The following PLEKHG6 variants were observed in gnomAD, a reference collection of about 807,000 sequenced individuals.
PLEKHG6 encodes the protein pleckstrin homology and RhoGEF domain containing G6, also known as pleckstrin homology domain-containing family G member 6.
A neutral mutation model predicts 97.5 loss-of-function variants in PLEKHG6; 91 were observed. That is an observed-to-expected ratio of 0.93 (90% CI 0.79 to 1.11). The LOEUF (loss-of-function observed/expected upper bound fraction) is 1.11, where lower values mean the gene tolerates loss of function less well. Ranked by LOEUF, PLEKHG6 falls within the 50% of genes most tolerant of loss-of-function variation. The pLI, the probability that PLEKHG6 is intolerant of heterozygous loss-of-function variation, is 0.00. For synonymous variants in PLEKHG6, 466 were observed against 425.5 expected, an observed-to-expected ratio of 1.10 and a Z score of -1.17; for missense variants, 1,044 against 1,031.0, an observed-to-expected ratio of 1.01 and a Z score of -0.17.
At chr12:6,322,304 G>A (rs1947729971) in intron 13 of PLEKHG6, among the ~76,000 whole-genome samples, 1 of 152,194 alleles carries the variant, frequency 6.6e-6, no homozygotes, top group Non-Finnish European at 1.5e-5. Flanking sequence ...AGGCAGCCAA[G>A]ATATAACCTA....
chr12:6,312,203 T>C lies in PLEKHG6; in HGVS notation c.-24T>C, dbSNP rs1339566348. The C allele has an allele frequency of 3.4e-6, 5 of 1,465,238 alleles. No individual in the cohort carries two copies. The African/African-American group carries it at 4.4e-5, about 13-fold the overall frequency. The allele number at this position is 1,465,238 out of a possible 1,614,324, so 90.8% of individuals were successfully genotyped here. On this transcript the variant is annotated 5_prime_UTR_variant, in exon 2 of 16. Coordinates refer to ENST00000684764, the MANE Select transcript of PLEKHG6 (RefSeq NM_001384598.1). ...CCTGGACATTGAAGATATGGCCCTT[T>C]GGAGGTGACCCAGGAGAGAAGGGAT...
chr12:6,312,867 A>G, intron 2 of PLEKHG6: 1 of 1,326,648 alleles, frequency 7.5e-7, no homozygotes, highest in Non-Finnish European at 9.7e-7. Flanking sequence ...AACCAAGCAG[A>G]GGGGTGTGGA....
chr12:6,327,942 G>A lies in PLEKHG6; in HGVS notation c.2359G>A (p.Ala787Thr), dbSNP rs199606341. 2.5e-5 allele frequency: 38 copies of A among 1,490,714 alleles called. No homozygotes were observed. The highest frequency in any genetic ancestry group is 1.9e-4 in the Admixed American group (8 of 41,362). 92.3% of individuals were successfully genotyped at this position (1,490,714 alleles called of 1,614,324 possible). The change falls in exon 15 of 16, where the codon GCA (alanine) becomes ACA (threonine). Residue 787 changes from alanine (A) to threonine (T), a missense_variant. By Grantham distance (58) the Ala-to-Thr change is moderately conservative (BLOSUM62 0). Coordinates refer to ENST00000684764, the MANE Select transcript of PLEKHG6 (RefSeq NM_001384598.1). ...HIIQLDTPLS[A>T]SEV Reference sequence around the variant, plus strand: ...CATTCAGCTGGACACCCCTCTGTCCGCATCGTAAGTGCTGGAGGGAAGCTG... The same window carrying A: ...CATTCAGCTGGACACCCCTCTGTCCACATCGTAAGTGCTGGAGGGAAGCTG...
intron 10 of PLEKHG6, 149 bp downstream of exon 10, chr12:6,318,143 G>C (rs1032031216): frequency 1.4e-6 from 2 of 1,386,608 alleles, no homozygotes; most frequent in African/African-American, 1.4e-5. Context: ...AGGGGTACAG[G>C]TCAGAAGAGC....
At chr12:6,310,893 G>T in intron 1 of PLEKHG6, 45 bp downstream of exon 1, 1 of 152,972 alleles carries the variant, frequency 6.5e-6, no homozygotes, top group South Asian at 2.0e-4. Flanking sequence ...GGGCGGCCGG[G>T]ACCCGGGGCC....
intron 13 of PLEKHG6, among the ~76,000 whole-genome samples, chr12:6,320,361 C>T (rs1463163994): frequency 6.6e-6 from 1 of 152,184 alleles, no homozygotes; most frequent in Admixed American, 6.5e-5. Flanking sequence ...GAAGCTTACT[C>T]TCTCACAGTT....
At position 6,316,414 on chromosome 12, in the gene PLEKHG6, G is replaced by A. The variant is rs770268287; in HGVS notation, c.756+10G>A. The A allele has an allele frequency of 1.3e-6, 2 of 1,563,562 alleles. No homozygotes were observed. The highest frequency in any genetic ancestry group is 2.4e-5 in the South Asian group (2 of 84,618). ...AAGTGGCTTCCTGACGGTGAGGCCT[G>A]TGAAGGGCTGTGTCTGGATGGGGCA... is the stretch of plus-strand genomic sequence containing the variant. On this transcript the variant is annotated intron_variant, in intron 7 of 15. Coordinates refer to ENST00000684764, the MANE Select transcript of PLEKHG6 (RefSeq NM_001384598.1). The surrounding 1 kb of genome is among the most constrained non-coding windows in gnomAD (Gnocchi z 4.1).
intron 13 of PLEKHG6, among the ~76,000 whole-genome samples, chr12:6,324,054 G>C (rs903825083): frequency 9.2e-5 from 14 of 152,078 alleles, no homozygotes; most frequent in African/African-American, 2.9e-4. Context: ...AATCCTGCTA[G>C]GGGCCCTCCC....
At chr12:6,317,460 C>T (rs1172954220) in intron 8 of PLEKHG6, 47 bp downstream of exon 8, 18 of 1,591,420 alleles carry the variant, frequency 1.1e-5, no homozygotes, top group Admixed American at 1.7e-5. Context: ...TCTTAGCCGG[C>T]CGGTCTCCAG....
At position 6,326,559 on chromosome 12, in the gene PLEKHG6, C is replaced by A; in HGVS notation, c.1656C>A (p.Ser552Arg). ...CGCCTTCCCTGGAGGGCTCTCAGAG[C>A]AGCGCAGAGGGGAGGTAAGGCTCAC... is the stretch of plus-strand genomic sequence containing the variant. ...PSTPSLEGSQ[S>R]SAEGRTPEFS... The change falls in exon 14 of 16, where the codon AGC becomes AGA. Residue 552 changes from serine to arginine, a missense_variant. Coordinates refer to ENST00000684764, the MANE Select transcript of PLEKHG6 (RefSeq NM_001384598.1). The A allele has an allele frequency of 6.4e-7, 1 of 1,556,604 alleles. No homozygotes were observed. Among genetic ancestry groups the A allele is most frequent in the South Asian group, 1.2e-5 (1 of 83,064 alleles).
In PLEKHG6 at chr12:6,327,526, A is replaced by G; in HGVS notation, c.1943A>G (p.Glu648Gly). 1 of 1,294,794 alleles carries G rather than the reference A, an allele frequency of 7.7e-7. No individual in the cohort carries two copies. The allele number at this position is 1,294,794 out of a possible 1,614,324, so 80.2% of individuals were successfully genotyped here. The change falls in exon 15 of 16, where the codon GAA becomes GGA. Residue 648 changes from glutamate to glycine, a missense_variant. Glu to Gly is a moderately conservative substitution (Grantham distance 98). Coordinates refer to ENST00000684764, the MANE Select transcript of PLEKHG6 (RefSeq NM_001384598.1). ...GCTCCTCAACGCCGAAGCGCCCCCG[A>G]ACTGCCGGAAGGAATCCTAAAAGGA... ...PQAPQRRSAPELPEGILKGGS... is the reference protein window; with the variant it reads ...PQAPQRRSAPGLPEGILKGGS...
intron 13 of PLEKHG6, among the ~76,000 whole-genome samples, 159 bp from the exon 14 acceptor site, chr12:6,326,269 C>T (rs1045121487): frequency 6.6e-6 from 1 of 152,124 alleles, no homozygotes; most frequent in Non-Finnish European, 1.5e-5. Flanking sequence ...TGTGGCACTG[C>T]ACTCTAGTCT....
rs1261088049 is a variant in PLEKHG6 at position 6,317,289 on chromosome 12, ATC to A, written c.757-12_757-11del. 6.4e-7 allele frequency: 1 copy of A among 1,563,794 alleles called. No homozygotes were observed. The highest frequency in any genetic ancestry group is 1.7e-5 in the Admixed American group (1 of 59,934). ...CCCATGCCTGCTCCCCACCTCCCGT[ATC>A]TGTCTCTCCAGTTTGGCCAGCGGTT... On this transcript the variant is annotated splice_polypyrimidine_tract_variant and intron_variant, in intron 7 of 15. Coordinates refer to ENST00000684764, the MANE Select transcript of PLEKHG6 (RefSeq NM_001384598.1).
chr12:6,322,952 G>A (rs1193062033), intron 13 of PLEKHG6, among the ~76,000 whole-genome samples: 1 of 152,182 alleles, frequency 6.6e-6, no homozygotes, highest in African/African-American at 2.4e-5. Context: ...GGACAAAAGC[G>A]CAAGCTAGTG....
rs771898462 is a variant in PLEKHG6 at position 6,319,068 on chromosome 12, C to T, written c.1484C>T (p.Thr495Ile). 1.9e-6 allele frequency: 3 copies of T among 1,611,534 alleles called. No homozygotes were observed. In the African/African-American group the frequency reaches 4.0e-5, roughly 22 times the overall value. The stretch of plus-strand genomic sequence containing the variant: ...CTCCTTGTGCACTGTCCCAGTCCTA[C>T]AGACCGTGCCCAGTGGCTGGAGAAG... ...SALLVHCPSP[T>I]DRAQWLEKTQ... is the part of the protein sequence containing the mutation. The change falls in exon 13 of 16, where the codon ACA becomes ATA. Residue 495 changes from threonine (T) to isoleucine (I), a missense_variant. Transcript: ENST00000684764.
At chr12:6,321,528 A>G (rs899301049) in intron 13 of PLEKHG6, among the ~76,000 whole-genome samples, 6 of 152,014 alleles carry the variant, frequency 3.9e-5, no homozygotes, top group African/African-American at 1.5e-4. Flanking sequence ...AAAACAAAGG[A>G]GAAGAAAGGA....
intron 13 of PLEKHG6, 126 bp downstream of exon 13, chr12:6,319,234 G>T: frequency 1.5e-6 from 1 of 668,812 alleles, no homozygotes. Flanking sequence ...GATCACCTGA[G>T]GTCAGGAGTT....
intron 10 of PLEKHG6, 147 bp from the exon 11 acceptor site, chr12:6,318,154 A>G (rs1161691612): frequency 1.4e-6 from 2 of 1,408,066 alleles, no homozygotes; most frequent in African/African-American, 2.9e-5. Flanking sequence ...TCAGAAGAGC[A>G]AAAAGGAGGC....
chr12:6,317,025 T>A (rs75238800), intron 7 of PLEKHG6, among the ~76,000 whole-genome samples: 4,740 of 151,854 alleles, frequency 0.031, 250 homozygotes, highest in African/African-American at 0.11. Flanking sequence ...GGTGGGAGAG[T>A]AAGTCCAGAG....
Sources: allele counts gnomAD v4.1 joint callset (sites outside exome capture counted in the v4.1 genomes callset), GRCh38; gene constraint gnomAD v4.1.1; non-coding constraint Gnocchi (gnomAD v3.1); transcripts MANE v1.5; gene names NCBI Gene and HGNC (gene_info 2026-07-23, HGNC 2026-07-21).